Variants in DCSTAMP observed in about 807,000 individuals in gnomAD.
DCSTAMP encodes the protein dendrocyte expressed seven transmembrane protein, also known as dendritic cell-specific transmembrane protein.
In DCSTAMP, 25 loss-of-function variants were observed where a neutral mutation model predicts 33.8. The observed-to-expected ratio is 0.74, with a 90% CI of 0.54 to 1.03. The LOEUF (loss-of-function observed/expected upper bound fraction) is 1.03. Among genes scored for constraint, DCSTAMP ranks in the 50% least tolerant of loss-of-function variants. The probability of loss-of-function intolerance (pLI) is 0.00; values close to 1 mark genes in which losing one functional copy is unlikely to be tolerated. For missense variants in DCSTAMP, 531 were observed against 556.8 expected (o/e 0.95, Z 0.47); for synonymous variants, 245 against 216.7 (o/e 1.13, Z -1.15).
rs371877916 is a variant in DCSTAMP at position 104,342,352 on chromosome 8, G to A, written c.-13+2490G>A. 8.5e-5 allele frequency among the ~76,000 whole-genome samples: 13 copies of A among 152,320 alleles called. No individual in the cohort carries two copies. In the East Asian group the frequency reaches 2.3e-3, roughly 27 times the overall value. ...TCCGTGGCCAAAATCAGCCGTCAGA[G>A]TGTTTAAAAATAATTTGAGCCAACA... is the stretch of plus-strand genomic sequence containing the variant. On this transcript the variant is annotated intron_variant, in intron 1 of 3. Transcript: ENST00000297581.
intron 2 of DCSTAMP, among the ~76,000 whole-genome samples, chr8:104,351,936 T>TA (rs1810473719): frequency 6.6e-6 from 1 of 152,202 alleles, no homozygotes; most frequent in South Asian, 2.1e-4. Context: ...TTTCTTTTTT[T>TA]AAAAAGATTA....
intron 1 of DCSTAMP, among the ~76,000 whole-genome samples, chr8:104,341,383 G>A (rs1459153158): frequency 6.6e-6 from 1 of 152,178 alleles, no homozygotes; most frequent in Non-Finnish European, 1.5e-5. Flanking sequence ...ACAGTGCTCA[G>A]GAATGCCGGT....
chr8:104,344,494 G>A (rs971245462), intron 1 of DCSTAMP, among the ~76,000 whole-genome samples: 46 of 152,104 alleles, frequency 3.0e-4, no homozygotes, highest in African/African-American at 1.1e-3. Flanking sequence ...CTATCCAACA[G>A]CGCTGAATTC....
chr8:104,344,756 C>A (rs942759537), intron 1 of DCSTAMP, among the ~76,000 whole-genome samples: 9 of 152,124 alleles, frequency 5.9e-5, no homozygotes, highest in Non-Finnish European at 1.0e-4. Flanking sequence ...AAAACACTTG[C>A]TTAGCTTATC....
intron 1 of DCSTAMP, among the ~76,000 whole-genome samples, chr8:104,340,815 A>G (rs2099382681): frequency 6.6e-6 from 1 of 152,206 alleles, no homozygotes; most frequent in South Asian, 2.1e-4. Context: ...GATTCACATC[A>G]AGCCAGTGAG....
At chr8:104,348,418 G>A in intron 1 of DCSTAMP, 123 bp from the exon 2 acceptor site, 2 of 908,512 alleles carry the variant, frequency 2.2e-6, no homozygotes, top group Non-Finnish European at 3.3e-6. Flanking sequence ...TCAAGGGAGA[G>A]GACACAGGAA....
At chr8:104,347,064 C>T (rs1810333606) in intron 1 of DCSTAMP, among the ~76,000 whole-genome samples, 1 of 152,102 alleles carries the variant, frequency 6.6e-6, no homozygotes, top group South Asian at 2.1e-4. Context: ...ATTTTCATGT[C>T]AATCAGGAGA....
chr8:104,349,713 G>A (rs1810413412), intron 2 of DCSTAMP, 132 bp downstream of exon 2: 1 of 1,034,510 alleles, frequency 9.7e-7, no homozygotes, highest in South Asian at 1.6e-5. Flanking sequence ...CATAGTGCTT[G>A]GCACATAGAA....
In DCSTAMP at chr8:104,352,103, G is replaced by A. The variant is rs559283691; in HGVS notation, c.1029+2522G>A. Among the ~76,000 whole-genome samples the A allele has an allele frequency of 8.5e-5, 13 of 152,200 alleles. No homozygotes were observed. The South Asian group carries it at 2.7e-3, about 32-fold the overall frequency. On this transcript the variant is annotated intron_variant, in intron 2 of 3. Transcript: ENST00000297581. ...GCTGGGGAATTCATGGAGGAAAAAC[G>A]GCCACAATGTTGCCTGCAAACCCTC... is the stretch of plus-strand genomic sequence containing the variant.
At chr8:104,353,224 A>G (rs1810515532) in intron 2 of DCSTAMP, among the ~76,000 whole-genome samples, 1 of 152,194 alleles carries the variant, frequency 6.6e-6, no homozygotes, top group Non-Finnish European at 1.5e-5. Context: ...TTCATTGCTT[A>G]GTGTTGTGCC....
In DCSTAMP at chr8:104,356,563, A is replaced by G. The variant is rs1349285907; in HGVS notation, c.*365A>G. The stretch of plus-strand genomic sequence containing the variant: ...GCCTCACAAGCAAATGCTAAGGGGA[A>G]CATACATGTAAAAAGCCAGCAAACT... On this transcript the variant is annotated 3_prime_UTR_variant, in exon 4 of 4. Coordinates refer to ENST00000297581, the MANE Select transcript of DCSTAMP (RefSeq NM_030788.4). The G allele has an allele frequency of 6.4e-6, 1 of 155,666 alleles. No homozygotes were observed. Among genetic ancestry groups the G allele is most frequent in the African/African-American group, 2.4e-5 (1 of 41,556 alleles). 9.6% of individuals were successfully genotyped at this position (155,666 alleles called of 1,614,324 possible).
rs557699044 is a variant in DCSTAMP, at chr8:104,356,314, C to T, written c.*116C>T. 6.7e-6 allele frequency: 7 copies of T among 1,039,242 alleles called. No individual in the cohort carries two copies. The East Asian group carries it at 2.2e-4, about 33-fold the overall frequency. 64.4% of individuals were successfully genotyped at this position (1,039,242 alleles called of 1,614,324 possible). A position where few individuals can be genotyped will look rare whatever the true frequency, so the allele number is the denominator to read the frequency against. ...TATGTGACGCAGTCCTCTCAGGAGT[C>T]TGAGTTTACAGAGCCAACTTGCAGC... On this transcript the variant is annotated 3_prime_UTR_variant, in exon 4 of 4. Coordinates refer to ENST00000297581, the MANE Select transcript of DCSTAMP (RefSeq NM_030788.4).
intron 1 of DCSTAMP, among the ~76,000 whole-genome samples, chr8:104,345,959 G>A (rs960077040): frequency 2.6e-5 from 4 of 152,194 alleles, no homozygotes; most frequent in Non-Finnish European, 4.4e-5. Flanking sequence ...CCTCCAGCAG[G>A]GGCAAACAGT....
At position 104,356,202 on chromosome 8, in the gene DCSTAMP, A is replaced by G. The variant is rs1456616905; in HGVS notation, c.*4A>G. 6.2e-7 allele frequency: 1 copy of G among 1,610,020 alleles called. No homozygotes were observed. Among genetic ancestry groups the G allele is most frequent in the South Asian group, 1.1e-5 (1 of 90,222 alleles). On this transcript the variant is annotated 3_prime_UTR_variant, in exon 4 of 4. Transcript: ENST00000297581. Reference sequence around the variant, plus strand: ...GGCAAGTGCAGACAAGTCATGAGAGACCCCGACTACTCCTCAGCCACATCG... The same window carrying G: ...GGCAAGTGCAGACAAGTCATGAGAGGCCCCGACTACTCCTCAGCCACATCG...
intron 2 of DCSTAMP, among the ~76,000 whole-genome samples, chr8:104,351,490 A>G (rs1441039278): frequency 6.6e-6 from 1 of 152,226 alleles, no homozygotes; most frequent in Admixed American, 6.5e-5. Flanking sequence ...ATTAGAACAG[A>G]GTACAGCAAA....
intron 2 of DCSTAMP, among the ~76,000 whole-genome samples, chr8:104,350,102 C>T (rs1361779197): frequency 2.6e-5 from 4 of 152,110 alleles, no homozygotes. Flanking sequence ...AGGGTAATTT[C>T]TCTATCTCAA....
rs117395437 is a variant in DCSTAMP at position 104,355,802 on chromosome 8, A to C, written c.1339-322A>C. On this transcript the variant is annotated intron_variant, in intron 3 of 3. Coordinates refer to ENST00000297581, the MANE Select transcript of DCSTAMP (RefSeq NM_030788.4). ...TATAGGCCATCAGGAATACCAAACGAATTTGCTTAATAGATGCAAAACTGT... is the reference window on the plus strand; with the variant it reads ...TATAGGCCATCAGGAATACCAAACGCATTTGCTTAATAGATGCAAAACTGT... Among the ~76,000 whole-genome samples the C allele has an allele frequency of 9.9e-3, 1,506 of 152,294 alleles. 11 individuals carry two copies. Among genetic ancestry groups the C allele is most frequent in the Non-Finnish European group, 0.012 (807 of 68,022 alleles).
Position 104,356,402 on chromosome 8 carries a change from T to C in DCSTAMP, c.*204T>C. On this transcript the variant is annotated 3_prime_UTR_variant, in exon 4 of 4. Transcript: ENST00000297581. ...CTGCCAGGTAAATGGTTATGTGGTC[T>C]ATGTTCCAAACAAACCACATGATCT... 1 of 425,532 alleles carries C rather than the reference T, an allele frequency of 2.3e-6. No individual in the cohort carries two copies. Among genetic ancestry groups the C allele is most frequent in the East Asian group, 4.1e-5 (1 of 24,372 alleles). The allele number at this position is 425,532 out of a possible 1,614,324, so 26.4% of individuals were successfully genotyped here. A position where few individuals can be genotyped will look rare whatever the true frequency, so the allele number is the denominator to read the frequency against.
chr8:104,351,958 TTTTA>T (rs1810474417), intron 2 of DCSTAMP, among the ~76,000 whole-genome samples: 1 of 152,182 alleles, frequency 6.6e-6, no homozygotes, highest in Non-Finnish European at 1.5e-5. Context: ...TACTTTTAAC[TTTTA>T]TTGTTATTTT....
Sources: gnomAD v4.1 joint callset for allele counts (sites outside exome capture counted in the v4.1 genomes callset) on GRCh38, gnomAD v4.1.1 for gene constraint, MANE v1.5 for transcripts, NCBI Gene and HGNC (gene_info 2026-07-23, HGNC 2026-07-21) for gene names.